Variants in DAB1 observed in about 807,000 individuals in gnomAD.
DAB1 encodes disabled homolog 1.
DAB1 carries 15 observed loss-of-function variants against 64.6 expected under a neutral mutation model. The observed-to-expected ratio is 0.23, with a 90% CI of 0.16 to 0.36. The LOEUF (loss-of-function observed/expected upper bound fraction) is 0.36. DAB1 is among the 10% of genes least tolerant of loss of function. DAB1 has a pLI of 1.00. For synonymous variants in DAB1, 235 were observed against 251.9 expected, an observed-to-expected ratio of 0.93 and a Z score of 0.64; for missense variants, 596 against 706.7, an observed-to-expected ratio of 0.84 and a Z score of 1.78.
intron 7 of DAB1, among the ~76,000 whole-genome samples, chr1:57,531,701 G>A (rs996656922): frequency 1.3e-5 from 2 of 152,180 alleles, no homozygotes; most frequent in Admixed American, 1.3e-4. Context: ...GAAAGAGCAG[G>A]TGGAATGACT....
chr1:58,513,615 A>C (rs1233753433), intron 2 of DAB1, among the ~76,000 whole-genome samples: 1 of 152,198 alleles, frequency 6.6e-6, no homozygotes, highest in Non-Finnish European at 1.5e-5. Flanking sequence ...ATTTTTTGAG[A>C]CTGTAAACTA....
At chr1:58,367,893 C>T (rs1355683677) in intron 3 of DAB1, among the ~76,000 whole-genome samples, 1 of 152,180 alleles carries the variant, frequency 6.6e-6, no homozygotes, top group African/African-American at 2.4e-5. Context: ...TAAGGCACAA[C>T]TAAAGCACCA....
intron 7 of DAB1, among the ~76,000 whole-genome samples, chr1:57,632,368 A>T (rs1207612406): frequency 6.6e-6 from 1 of 152,208 alleles, no homozygotes; most frequent in Non-Finnish European, 1.5e-5. Flanking sequence ...TGTGTTTATC[A>T]TGAGTGGACT....
chr1:57,603,494 T>C (rs1645599945), intron 7 of DAB1, among the ~76,000 whole-genome samples: 1 of 152,204 alleles, frequency 6.6e-6, no homozygotes, highest in Non-Finnish European at 1.5e-5. Flanking sequence ...CTAACAATTA[T>C]CAGTCTTCCT....
chr1:58,223,481 T>C (rs1041925076), intron 4 of DAB1, among the ~76,000 whole-genome samples: 1 of 152,202 alleles, frequency 6.6e-6, no homozygotes, highest in Non-Finnish European at 1.5e-5. Flanking sequence ...GAAGGTGACG[T>C]TCCAATTACA....
chr1:58,138,287 TA>T (rs1054174992), intron 5 of DAB1, among the ~76,000 whole-genome samples: 19 of 152,190 alleles, frequency 1.2e-4, no homozygotes, highest in African/African-American at 4.3e-4. Context: ...ACCAAGATTT[TA>T]ACCCAGGACT....
chr1:58,499,890 A>G (rs1645878405), intron 3 of DAB1, among the ~76,000 whole-genome samples: 1 of 152,206 alleles, frequency 6.6e-6, no homozygotes, highest in African/African-American at 2.4e-5. Context: ...ACACATCAGT[A>G]TTCTGACAGG....
At chr1:57,906,834 C>T (rs1057314462) in intron 5 of DAB1, among the ~76,000 whole-genome samples, 2 of 152,042 alleles carry the variant, frequency 1.3e-5, no homozygotes, top group African/African-American at 2.4e-5. Context: ...TCTCTTGGTG[C>T]TCAATAAATA....
chr1:57,245,407 T>C (rs1483894892), intron 2 of DAB1, among the ~76,000 whole-genome samples: 3 of 152,146 alleles, frequency 2.0e-5, no homozygotes, highest in African/African-American at 7.2e-5. Context: ...CATTAGCTAT[T>C]TCTCCTAATG....
At chr1:57,096,078 C>T (rs753455989) in intron 4 of DAB1, among the ~76,000 whole-genome samples, 1 of 152,152 alleles carries the variant, frequency 6.6e-6, no homozygotes, top group African/African-American at 2.4e-5. Context: ...ATTTGAGCCT[C>T]ATCATAAGCC....
chr1:58,144,313 A>G (rs926948266), intron 5 of DAB1, among the ~76,000 whole-genome samples: 21 of 152,366 alleles, frequency 1.4e-4, no homozygotes, highest in Admixed American at 1.4e-3. Flanking sequence ...TATTTTAAAA[A>G]CTGACTTGGC....
At chr1:57,429,559 T>C (rs1382884930) in intron 7 of DAB1, among the ~76,000 whole-genome samples, 1 of 152,208 alleles carries the variant, frequency 6.6e-6, no homozygotes. Flanking sequence ...CAAAAAATCA[T>C]TGTGAAGACC....
chr1:58,329,718 A>T (rs1490995896), intron 4 of DAB1, among the ~76,000 whole-genome samples: 1 of 152,092 alleles, frequency 6.6e-6, no homozygotes, highest in Non-Finnish European at 1.5e-5. Context: ...ATTTTTCATC[A>T]TTATTTTATG....
intron 4 of DAB1, among the ~76,000 whole-genome samples, chr1:58,258,159 CA>C (rs1660975632): frequency 1.3e-5 from 2 of 152,074 alleles, no homozygotes. Flanking sequence ...TGTCTTCGCA[CA>C]CCAGGAGGAG....
intron 7 of DAB1, among the ~76,000 whole-genome samples, chr1:57,460,637 A>C (rs184224624): frequency 4.9e-4 from 74 of 152,300 alleles, no homozygotes; most frequent in African/African-American, 1.7e-3. Context: ...AATTCATTAT[A>C]TTAATATAAC....
intron 3 of DAB1, among the ~76,000 whole-genome samples, chr1:58,474,640 G>A (rs949438448): frequency 6.6e-6 from 1 of 152,184 alleles, no homozygotes; most frequent in Non-Finnish European, 1.5e-5. Flanking sequence ...AAGGGAGCTG[G>A]TGTTGAGCGA....
chr1:58,418,830 G>C (rs1164936994), intron 3 of DAB1, among the ~76,000 whole-genome samples: 1 of 152,178 alleles, frequency 6.6e-6, no homozygotes, highest in Non-Finnish European at 1.5e-5. Flanking sequence ...AGGAGGCTAA[G>C]ATAAGTCATT....
chr1:57,721,379 T>A (rs1345540838), intron 6 of DAB1, among the ~76,000 whole-genome samples: 4 of 152,242 alleles, frequency 2.6e-5, no homozygotes, highest in Admixed American at 2.6e-4. Context: ...TAAATAAGAA[T>A]CTACTCTGTG....
intron 7 of DAB1, among the ~76,000 whole-genome samples, chr1:57,521,522 A>T (rs1253224787): frequency 6.6e-6 from 1 of 152,174 alleles, no homozygotes; most frequent in Admixed American, 6.5e-5. Flanking sequence ...ATCTAGAGTA[A>T]GGAATGATAC....
Sources: allele counts gnomAD v4.1 joint callset (sites outside exome capture counted in the v4.1 genomes callset), GRCh38; gene constraint gnomAD v4.1.1; transcripts MANE v1.5; gene names NCBI Gene and HGNC (gene_info 2026-07-23, HGNC 2026-07-21).